RNLS: variants seen among roughly 807,000 people sequenced by gnomAD.
RNLS encodes the protein renalase, FAD dependent amine oxidase.
A neutral mutation model predicts 39.8 loss-of-function variants in RNLS; 39 were observed. The ratio of observed to expected loss-of-function variants is 0.98; its 90% confidence interval spans 0.76 to 1.28. The LOEUF is 1.28. Among genes scored for constraint, RNLS ranks in the 50% most tolerant of loss-of-function variants. RNLS has a pLI of 0.00. For missense variants in RNLS, 410 were observed against 413.3 expected (o/e 0.99, Z 0.07); for synonymous variants, 147 against 150.7 (o/e 0.98, Z 0.18).
At chr10:88,319,610 G>A (rs1846022911) in intron 5 of RNLS, among the ~76,000 whole-genome samples, 1 of 151,894 alleles carries the variant, frequency 6.6e-6, no homozygotes, top group Non-Finnish European at 1.5e-5. Context: ...AGAACTTCTG[G>A]AATGAAAAAA....
At chr10:88,378,828 A>C (rs1368115926) in intron 4 of RNLS, among the ~76,000 whole-genome samples, 1 of 152,138 alleles carries the variant, frequency 6.6e-6, no homozygotes, top group African/African-American at 2.4e-5. Context: ...AATTATAATA[A>C]ATTTGTATTT....
At chr10:88,455,792 G>A (rs913075431) in intron 4 of RNLS, among the ~76,000 whole-genome samples, 1 of 152,052 alleles carries the variant, frequency 6.6e-6, no homozygotes, top group Admixed American at 6.5e-5. Context: ...TTACATTTCT[G>A]TTAGAAAAAA....
intron 4 of RNLS, among the ~76,000 whole-genome samples, chr10:88,507,607 CA>C (rs1360611552): frequency 6.6e-6 from 1 of 152,078 alleles, no homozygotes; most frequent in East Asian, 1.9e-4. Flanking sequence ...CTAACATCTG[CA>C]CTGATGAAAG....
intron 4 of RNLS, among the ~76,000 whole-genome samples, chr10:88,395,235 T>TA: frequency 1.4e-5 from 1 of 74,002 alleles, no homozygotes. Context: ...CTTTAAAAGA[T>TA]GAAAAAAAAA....
In RNLS at chr10:88,581,584, T is replaced by C. The variant is rs1412539269; in HGVS notation, c.350A>G (p.His117Arg). ...ACTCCCACCTGATTCTTTCAAGTAA[T>C]GCTTAATAATTGAAGAAATTCCTTG... ...APQGISSIIK[H>R]YLKESGAEVY... Residue 117 changes from histidine to arginine, a missense_variant, in exon 3 of 7, where the codon CAT becomes CGT. Coordinates refer to ENST00000331772, the MANE Select transcript of RNLS (RefSeq NM_001031709.3). 2 of 1,598,306 alleles carry C rather than the reference T, an allele frequency of 1.3e-6. No individual in the cohort carries two copies.
At chr10:88,317,627 C>T (rs1845860606) in intron 5 of RNLS, among the ~76,000 whole-genome samples, 1 of 152,180 alleles carries the variant, frequency 6.6e-6, no homozygotes. Context: ...AGTTCAGTAG[C>T]ATTGAGTATG....
the RNLS span, among the ~76,000 whole-genome samples, chr10:88,209,663 G>T: frequency 1.3e-5 from 2 of 152,112 alleles, no homozygotes; most frequent in Non-Finnish European, 2.9e-5. Flanking sequence ...AAAATAAGTT[G>T]GATGACTGAA....
intron 4 of RNLS, among the ~76,000 whole-genome samples, chr10:88,481,552 T>C (rs1589868018): frequency 6.6e-6 from 1 of 152,160 alleles, no homozygotes; most frequent in East Asian, 1.9e-4. Flanking sequence ...TAATAAATAA[T>C]TGTCGTGAAA....
At chr10:88,443,239 G>A (rs1386351552) in intron 4 of RNLS, among the ~76,000 whole-genome samples, 1 of 152,090 alleles carries the variant, frequency 6.6e-6, no homozygotes, top group Non-Finnish European at 1.5e-5. Context: ...CTACACTGCG[G>A]CCAGAGTGAG....
At chr10:88,399,362 T>C (rs184418220) in intron 4 of RNLS, among the ~76,000 whole-genome samples, 54 of 152,162 alleles carry the variant, frequency 3.5e-4, no homozygotes, top group African/African-American at 1.2e-3. Context: ...ATATTTATAA[T>C]AGCCAAAAAG....
intron 4 of RNLS, among the ~76,000 whole-genome samples, chr10:88,379,286 C>T (rs574663658): frequency 6.6e-5 from 10 of 152,268 alleles, no homozygotes; most frequent in African/African-American, 2.4e-4. Flanking sequence ...AAATGGATTG[C>T]TATTTAAGCA....
chr10:88,332,469 G>C (rs577685897), intron 5 of RNLS, among the ~76,000 whole-genome samples: 1 of 152,244 alleles, frequency 6.6e-6, no homozygotes, highest in Admixed American at 6.5e-5. Context: ...TCCATATTAT[G>C]TCCCTGGAGG....
chr10:88,294,577 C>CGAAA (rs1337364736), intron 6 of RNLS, among the ~76,000 whole-genome samples: 3 of 151,946 alleles, frequency 2.0e-5, no homozygotes, highest in African/African-American at 7.3e-5. Flanking sequence ...TGGGGTTTGA[C>CGAAA]GAAAATCCAA....
rs967764895 is a variant in RNLS, at chr10:88,527,424, C to A, written c.526+45479G>T. 2.6e-5 allele frequency among the ~76,000 whole-genome samples: 4 copies of A among 152,312 alleles called. No homozygotes were observed. In the South Asian group the frequency reaches 8.3e-4, roughly 32 times the overall value. On this transcript the variant is annotated intron_variant, in intron 4 of 6. Coordinates refer to ENST00000331772, the MANE Select transcript of RNLS (RefSeq NM_001031709.3). Reference sequence around the variant, plus strand: ...TGAGGGATAAAATCCAAGCCCTGCTCCACTTACCAAGCCCTGTGCCCTGGG... The same window carrying A: ...TGAGGGATAAAATCCAAGCCCTGCTACACTTACCAAGCCCTGTGCCCTGGG...
intron 4 of RNLS, among the ~76,000 whole-genome samples, chr10:88,557,915 G>T (rs1848959694): frequency 6.6e-6 from 1 of 152,012 alleles, no homozygotes; most frequent in Non-Finnish European, 1.5e-5. Flanking sequence ...TCTCTAGTAT[G>T]GACATTTCCT....
chr10:88,434,115 T>G (rs535459926), intron 4 of RNLS, among the ~76,000 whole-genome samples: 61 of 152,292 alleles, frequency 4.0e-4, no homozygotes, highest in African/African-American at 1.4e-3. Context: ...CACAACTACC[T>G]TAAAACAAAG....
chr10:88,288,398 CA>C (rs1030171566), intron 6 of RNLS, among the ~76,000 whole-genome samples: 3 of 152,022 alleles, frequency 2.0e-5, no homozygotes, highest in African/African-American at 7.2e-5. Context: ...TGAAGTAAAA[CA>C]AAACAAAAAT....
intron 5 of RNLS, among the ~76,000 whole-genome samples, chr10:88,324,480 ATAAG>A (rs1250992790): frequency 6.6e-6 from 1 of 151,914 alleles, no homozygotes; most frequent in African/African-American, 2.4e-5. Flanking sequence ...ATTTTCACTT[ATAAG>A]TAAGAGCTAA....
At chr10:88,180,553 A>G in the RNLS span, among the ~76,000 whole-genome samples, 3 of 152,216 alleles carry the variant, frequency 2.0e-5, no homozygotes, top group Non-Finnish European at 4.4e-5. Context: ...CTCTACTTAT[A>G]AAAGAAAACT....
Sources: allele counts gnomAD v4.1 joint callset (sites outside exome capture counted in the v4.1 genomes callset), GRCh38; gene constraint gnomAD v4.1.1; transcripts MANE v1.5; gene names NCBI Gene and HGNC (gene_info 2026-07-23, HGNC 2026-07-21).